ATP5PF: variants seen among roughly 807,000 people sequenced by gnomAD.
ATP5PF encodes the protein ATP synthase peripheral stalk subunit F6.
ATP5PF carries 7 observed loss-of-function variants against 12.0 expected under a neutral mutation model. That is an observed-to-expected ratio of 0.58 (90% CI 0.33 to 1.10). The LOEUF is 1.10. Among genes scored for constraint, ATP5PF ranks in the 50% least tolerant of loss-of-function variants. The pLI, the probability that ATP5PF is intolerant of heterozygous loss-of-function variation, is 0.03. For missense variants in ATP5PF, 120 were observed against 127.7 expected, an observed-to-expected ratio of 0.94 and a Z score of 0.29; for synonymous variants, 41 against 45.4, an observed-to-expected ratio of 0.90 and a Z score of 0.39.
At position 25,726,291 on chromosome 21, in the gene ATP5PF, C is replaced by T. The variant is rs555713105; in HGVS notation, c.165-941G>A. On this transcript the variant is annotated intron_variant, in intron 2 of 3. Coordinates refer to ENST00000284971, the MANE Select transcript of ATP5PF (RefSeq NM_001003703.2). ...CCTACCCTCAGAGATTTTGCAATTT[C>T]GAAGAAAAAAATTACATGTTTACAA... Among the ~76,000 whole-genome samples the T allele has an allele frequency of 8.6e-5, 13 of 152,006 alleles. No homozygotes were observed. In the East Asian group the frequency reaches 1.5e-3, roughly 18 times the overall value.
chr21:25,726,515 T>C (rs752267663), intron 2 of ATP5PF, among the ~76,000 whole-genome samples: 44 of 152,104 alleles, frequency 2.9e-4, no homozygotes, highest in Non-Finnish European at 4.6e-4. Context: ...AGCAAAGACA[T>C]AGAGGTGGTA....
At chr21:25,726,439 G>T (rs1292160555) in intron 2 of ATP5PF, among the ~76,000 whole-genome samples, 1 of 152,192 alleles carries the variant, frequency 6.6e-6, no homozygotes, top group Non-Finnish European at 1.5e-5. Flanking sequence ...TTTTAAAAAG[G>T]TGGCATTTGA....
At chr21:25,726,922 AT>A (rs2034634455) in intron 2 of ATP5PF, among the ~76,000 whole-genome samples, 1 of 152,218 alleles carries the variant, frequency 6.6e-6, no homozygotes, top group Non-Finnish European at 1.5e-5. Flanking sequence ...GGTGGCTCCA[AT>A]TTAAGAACTT....
At chr21:25,727,459 T>C (rs967779019) in intron 2 of ATP5PF, among the ~76,000 whole-genome samples, 3 of 152,224 alleles carry the variant, frequency 2.0e-5, no homozygotes, top group African/African-American at 7.2e-5. Flanking sequence ...TTTTATAATA[T>C]CCTATGAAAT....
chr21:25,730,736 CAAAAAAAAAAAAAAAAAAAAAAAA>C (rs71183508), intron 1 of ATP5PF, among the ~76,000 whole-genome samples: 3 of 31,880 alleles, frequency 9.4e-5, no homozygotes, highest in South Asian at 1.7e-3. Context: ...CTCCGTCTCA[CAAAAAAAAAAAAAAAAAAAAAAAA>C]AAAAAAAAAA....
intron 1 of ATP5PF, among the ~76,000 whole-genome samples, chr21:25,731,417 T>C (rs1302254173): frequency 7.3e-6 from 1 of 137,700 alleles, no homozygotes; most frequent in East Asian, 2.1e-4. Flanking sequence ...TTTTTTTTTT[T>C]CAGACAGGGT....
In ATP5PF at chr21:25,724,507, C is replaced by T. The variant is rs928021688; in HGVS notation, c.*133G>A. 5.0e-5 allele frequency: 51 copies of T among 1,019,374 alleles called. No homozygotes were observed. The highest frequency in any genetic ancestry group is 6.3e-5 in the Non-Finnish European group (44 of 694,024). 63.1% of individuals were successfully genotyped at this position (1,019,374 alleles called of 1,614,324 possible). ...AATTCATCAAGAACACACTCAACAT[C>T]ACCAAATAATTTATTTGGACTCAGA... On this transcript the variant is annotated 3_prime_UTR_variant, in exon 4 of 4. Transcript: ENST00000284971.
chr21:25,734,714 C>T, intron 1 of ATP5PF, 139 bp downstream of exon 1: 6 of 852,698 alleles, frequency 7.0e-6, no homozygotes, highest in Non-Finnish European at 1.1e-5. Context: ...GCTGTGACCC[C>T]GGGCCAGGCC....
At chr21:25,734,436 G>T in intron 1 of ATP5PF, 1 of 939,360 alleles carries the variant, frequency 1.1e-6, no homozygotes, top group Non-Finnish European at 1.3e-6. Flanking sequence ...TAGGTGGGAT[G>T]CAAACTTTCA....
intron 1 of ATP5PF, among the ~76,000 whole-genome samples, chr21:25,733,854 G>C (rs2034892056): frequency 6.6e-6 from 1 of 152,182 alleles, no homozygotes; most frequent in African/African-American, 2.4e-5. Context: ...TGACTGCATA[G>C]ATGTTACTCC....
intron 2 of ATP5PF, among the ~76,000 whole-genome samples, chr21:25,725,581 A>G: frequency 6.6e-6 from 1 of 152,104 alleles, no homozygotes. Flanking sequence ...CTGGGATTAC[A>G]GGCACACGCC....
chr21:25,732,364 G>A (rs2034806747), intron 1 of ATP5PF, among the ~76,000 whole-genome samples: 1 of 151,782 alleles, frequency 6.6e-6, no homozygotes, highest in South Asian at 2.1e-4. Flanking sequence ...AATCTACAAT[G>A]AGCCAGGTGC....
chr21:25,735,027 G>T, upstream of ATP5PF: 5 of 1,496,994 alleles, frequency 3.3e-6, no homozygotes, highest in Non-Finnish European at 3.6e-6. Flanking sequence ...GCGACCGGAC[G>T]GGTCTAGGTG....
rs866291420 is a variant in ATP5PF at position 25,732,952 on chromosome 21, T to A, written c.-8+1901A>T. On this transcript the variant is annotated intron_variant, in intron 1 of 3. Coordinates refer to ENST00000284971, the MANE Select transcript of ATP5PF (RefSeq NM_001003703.2). ...AGCCGAGATCGCGCCACTGCACTCC[T>A]CCACCCTGGGCAACAAGAGTGAAAC... 4.3e-3 allele frequency among the ~76,000 whole-genome samples: 467 copies of A among 107,588 alleles called. 2 individuals carry two copies. The highest frequency in any genetic ancestry group is 0.016 in the African/African-American group (432 of 27,684). The allele number at this position is 107,588 out of a possible 152,430, so 70.6% of individuals were successfully genotyped here. A position where few individuals can be genotyped will look rare whatever the true frequency, so the allele number is the denominator to read the frequency against.
intron 1 of ATP5PF, among the ~76,000 whole-genome samples, chr21:25,730,736 C>CACAAAAAAAAAAAAAAAA (rs1219090743): frequency 2.5e-4 from 8 of 31,894 alleles, no homozygotes; most frequent in Non-Finnish European, 5.6e-4. Flanking sequence ...CTCCGTCTCA[C>CACAAAAAAAAAAAAAAAA]AAAAAAAAAA....
intron 2 of ATP5PF, among the ~76,000 whole-genome samples, chr21:25,727,949 T>C (rs1159589719): frequency 6.6e-6 from 1 of 152,182 alleles, no homozygotes; most frequent in Non-Finnish European, 1.5e-5. Flanking sequence ...ATCCCTTCAC[T>C]ATTTCTCCTC....
chr21:25,730,469 C>G (rs1260645056), intron 1 of ATP5PF, among the ~76,000 whole-genome samples: 2 of 152,128 alleles, frequency 1.3e-5, no homozygotes, highest in African/African-American at 4.8e-5. Flanking sequence ...TGCAGTGGTT[C>G]ACGCCTGTAA....
chr21:25,725,302 C>T lies in ATP5PF; in HGVS notation c.213G>A (p.Leu71=). The T allele has an allele frequency of 6.2e-7, 1 of 1,613,108 alleles. No homozygotes were observed. Among genetic ancestry groups the T allele is most frequent in the Non-Finnish European group, 8.5e-7 (1 of 1,179,948 alleles). ...VDASSEYQQE[L]ERELFKLKQM... is the part of the protein sequence containing the mutation. ...GCTTGAGCTTAAAAAGCTCCCTCTC[C>T]AGCTCTTGCTGATACTCTGAACTAG... The change falls in exon 3 of 4, where the codon CTG becomes CTA. Residue 71 remains leucine, a synonymous_variant. Coordinates refer to ENST00000284971, the MANE Select transcript of ATP5PF (RefSeq NM_001003703.2).
Position 25,725,296 on chromosome 21 carries a change from C to T in ATP5PF, c.219G>A (p.Arg73=), listed in dbSNP as rs971480358. 6.2e-7 allele frequency: 1 copy of T among 1,613,048 alleles called. No homozygotes were observed. The highest frequency in any genetic ancestry group is 1.3e-5 in the African/African-American group (1 of 74,978). ...ACATTTGCTTGAGCTTAAAAAGCTC[C>T]CTCTCCAGCTCTTGCTGATACTCTG... ...ASSEYQQELE[R]ELFKLKQMFG... is the part of the protein sequence containing the mutation. Residue 73 remains arginine (R), a synonymous_variant, in exon 3 of 4, where the codon AGG becomes AGA. Coordinates refer to ENST00000284971, the MANE Select transcript of ATP5PF (RefSeq NM_001003703.2).
Sources: gnomAD v4.1 joint callset for allele counts (sites outside exome capture counted in the v4.1 genomes callset) on GRCh38, gnomAD v4.1.1 for gene constraint, MANE v1.5 for transcripts, NCBI Gene and HGNC (gene_info 2026-07-23, HGNC 2026-07-21) for gene names.